Variants in GSTA3 observed in about 807,000 individuals in gnomAD.
The protein encoded by GSTA3 is glutathione S-transferase alpha 3.
A neutral mutation model predicts 23.1 loss-of-function variants in GSTA3; 16 were observed. The observed-to-expected ratio is 0.69, with a 90% CI of 0.47 to 1.05. The LOEUF (loss-of-function observed/expected upper bound fraction) is 1.05, where lower values mean the gene tolerates loss of function less well. Among genes scored for constraint, GSTA3 ranks in the 50% least tolerant of loss-of-function variants. The pLI, the probability that GSTA3 is intolerant of heterozygous loss-of-function variation, is 0.00. For missense variants in GSTA3, 319 were observed against 263.6 expected (o/e 1.21, Z -1.46); for synonymous variants, 122 against 91.0 (o/e 1.34, Z -1.94).
chr6:52,901,062 C>CT, intron 4 of GSTA3, among the ~76,000 whole-genome samples: 1 of 152,208 alleles, frequency 6.6e-6, no homozygotes. Flanking sequence ...TTTAGGAAAC[C>CT]TTTTTTTCTT....
At chr6:52,900,264 CTTTTTTT>C (rs368457261) in intron 4 of GSTA3, among the ~76,000 whole-genome samples, 189 bp from the exon 5 acceptor site, 2 of 133,458 alleles carry the variant, frequency 1.5e-5, no homozygotes, top group Non-Finnish European at 3.2e-5. Flanking sequence ...CTTTCTTTTT[CTTTTTTT>C]TTTTTTTTTG....
At chr6:52,899,040 T>C (rs888093003) in intron 5 of GSTA3, among the ~76,000 whole-genome samples, 3 of 151,680 alleles carry the variant, frequency 2.0e-5, no homozygotes, top group African/African-American at 7.3e-5. Context: ...CGGAATGAGT[T>C]TGGGTAGAGC....
At position 52,896,899 on chromosome 6, in the gene GSTA3, G is replaced by T; in HGVS notation, c.576C>A (p.Pro192=). 6.2e-7 allele frequency: 1 copy of T among 1,613,962 alleles called. No individual in the cohort carries two copies. Among genetic ancestry groups the T allele is most frequent in the Middle Eastern group, 1.7e-4 (1 of 6,060 alleles). The change falls in exon 7 of 7, where the codon CCC becomes CCA. Residue 192 remains proline, a synonymous_variant. Coordinates refer to ENST00000211122, the MANE Select transcript of GSTA3 (RefSeq NM_000847.5). ...CAGGCTGTAGAAACTTCTTCACCGT[G>T]GGCAGGTTGCTGATTCTGGTTTTCA... is the stretch of plus-strand genomic sequence containing the variant. ...KALKTRISNL[P]TVKKFLQPGS... is the part of the protein sequence containing the mutation.
chr6:52,900,597 T>C (rs889099638), intron 4 of GSTA3, among the ~76,000 whole-genome samples: 3 of 152,128 alleles, frequency 2.0e-5, no homozygotes, highest in Admixed American at 6.6e-5. Flanking sequence ...TCGAGGTAGA[T>C]ATATCTCTAA....
intron 5 of GSTA3, 128 bp from the exon 6 acceptor site, chr6:52,898,084 C>T (rs1319555714): frequency 9.4e-7 from 1 of 1,064,492 alleles, no homozygotes; most frequent in South Asian, 1.4e-5. Context: ...AAGGTCCAGG[C>T]CTTTGTTTAT....
Position 52,908,745 on chromosome 6 carries a change from A to G in GSTA3, c.-22+896T>C, listed in dbSNP as rs140741458. 2.1e-3 allele frequency among the ~76,000 whole-genome samples: 319 copies of G among 152,340 alleles called. 2 individuals carry two copies. The highest frequency in any genetic ancestry group is 7.1e-3 in the African/African-American group (295 of 41,580). On this transcript the variant is annotated intron_variant, in intron 1 of 6. Coordinates refer to ENST00000211122, the MANE Select transcript of GSTA3 (RefSeq NM_000847.5). ...CATTTGGCAAATAGAAAGAACTTGC[A>G]TATAGAAGGAATGTGCATGTTCTGT...
At chr6:52,905,689 T>G in intron 2 of GSTA3, 59 bp downstream of exon 2, 1 of 1,007,560 alleles carries the variant, frequency 9.9e-7, no homozygotes, top group South Asian at 1.4e-5. Flanking sequence ...CTTGGCTTAC[T>G]AAAATATTTT....
chr6:52,899,257 T>A (rs976582535), intron 5 of GSTA3, among the ~76,000 whole-genome samples: 2 of 152,122 alleles, frequency 1.3e-5, no homozygotes, highest in African/African-American at 2.4e-5. Flanking sequence ...AAATTGAATA[T>A]ACTGACATGT....
intron 6 of GSTA3, among the ~76,000 whole-genome samples, chr6:52,897,390 C>G (rs1765486310): frequency 6.6e-6 from 1 of 152,208 alleles, no homozygotes; most frequent in African/African-American, 2.4e-5. Flanking sequence ...GTGCTGTGCA[C>G]AGAGGAACAC....
At chr6:52,905,908 C>G (rs1765875739) in intron 1 of GSTA3, 53 bp from the exon 2 acceptor site, 1 of 821,414 alleles carries the variant, frequency 1.2e-6, no homozygotes, top group South Asian at 1.5e-5. Flanking sequence ...TCTAGAGAAG[C>G]AAAATGCACG....
At chr6:52,900,225 T>C in intron 4 of GSTA3, 150 bp from the exon 5 acceptor site, 1 of 560,788 alleles carries the variant, frequency 1.8e-6, no homozygotes, top group Non-Finnish European at 3.0e-6. Flanking sequence ...TGCTCTGATT[T>C]TTGCATGTAT....
intron 1 of GSTA3, among the ~76,000 whole-genome samples, chr6:52,908,604 A>C (rs896395115): frequency 6.6e-6 from 1 of 152,260 alleles, no homozygotes; most frequent in African/African-American, 2.4e-5. Context: ...CTGCTGTTTA[A>C]AAAGAATTAT....
At chr6:52,898,279 C>T (rs1387492695) in intron 5 of GSTA3, among the ~76,000 whole-genome samples, 2 of 152,172 alleles carry the variant, frequency 1.3e-5, no homozygotes, top group African/African-American at 4.8e-5. Flanking sequence ...CCAGGCCCTA[C>T]AGCGTGTAGC....
At chr6:52,898,065 G>A (rs1765523343) in intron 5 of GSTA3, 109 bp from the exon 6 acceptor site, 1 of 1,279,240 alleles carries the variant, frequency 7.8e-7, no homozygotes, top group Admixed American at 1.7e-5. Flanking sequence ...TGCCTAACTG[G>A]ATGGTGTGAA....
At chr6:52,905,876 C>T (rs1561956972) in intron 1 of GSTA3, 21 bp from the exon 2 acceptor site, 1 of 1,158,260 alleles carries the variant, frequency 8.6e-7, no homozygotes, top group African/African-American at 1.5e-5. Context: ...TGAATGAATG[C>T]ATGAATGGAT....
At position 52,902,365 on chromosome 6, in the gene GSTA3, CTT is replaced by C; in HGVS notation, c.251_252del (p.Lys84ArgfsTer9). 6.2e-7 allele frequency: 1 copy of C among 1,613,910 alleles called. No individual in the cohort carries two copies. Among genetic ancestry groups the C allele is most frequent in the Non-Finnish European group, 8.5e-7 (1 of 1,179,828 alleles). The part of the protein sequence containing the change: ...YIASKYNLYG[K>X]DIKERALIDM... ...CCGTACAGGGCTCTCTCCTTTATGT[CTT>C]TCCCGTAGAGGTTGTATTTGCTGGC... On this transcript the variant is annotated frameshift_variant, in exon 4 of 7. Transcript: ENST00000211122. LOFTEE classifies it high-confidence loss of function.
Position 52,897,859 on chromosome 6 carries a change from T to C in GSTA3, c.512A>G (p.Asp171Gly), listed in dbSNP as rs1013798951. Residue 171 changes from aspartate (D) to glycine (G), a missense_variant, in exon 6 of 7, where the codon GAC (aspartate) becomes GGC (glycine). Physicochemically the swap from Asp to Gly is moderately conservative, Grantham distance 94. Coordinates refer to ENST00000211122, the MANE Select transcript of GSTA3 (RefSeq NM_000847.5). ...VELLYYVEEL[D>G]SSLISNFPLL... is the part of the protein sequence containing the mutation. The stretch of plus-strand genomic sequence containing the variant: ...AGGGAAGTTGGAGATAAGGCTGGAG[T>C]CAAGCTCTTCCACATAGTAGAGAAG... 1.2e-6 allele frequency: 2 copies of C among 1,613,208 alleles called. No homozygotes were observed. Among genetic ancestry groups the C allele is most frequent in the Non-Finnish European group, 1.7e-6 (2 of 1,179,762 alleles).
At chr6:52,905,508 G>C (rs1317060231) in intron 2 of GSTA3, among the ~76,000 whole-genome samples, 1 of 151,912 alleles carries the variant, frequency 6.6e-6, no homozygotes, top group Non-Finnish European at 1.5e-5. Flanking sequence ...ATTGTGATTA[G>C]TTAATTCTTT....
chr6:52,901,375 C>T (rs1765679501), intron 4 of GSTA3, among the ~76,000 whole-genome samples: 1 of 152,192 alleles, frequency 6.6e-6, no homozygotes, highest in Non-Finnish European at 1.5e-5. Flanking sequence ...CACAATCCTA[C>T]AATATGTGGA....
Sources: allele counts gnomAD v4.1 joint callset (sites outside exome capture counted in the v4.1 genomes callset), GRCh38; gene constraint gnomAD v4.1.1; transcripts MANE v1.5; gene names NCBI Gene and HGNC (gene_info 2026-07-23, HGNC 2026-07-21).